EEFSEC: variants seen among roughly 807,000 people sequenced by gnomAD.
The protein encoded by EEFSEC is selenocysteine-specific elongation factor.
A neutral mutation model predicts 42.1 loss-of-function variants in EEFSEC; 43 were observed. That is an observed-to-expected ratio of 1.02 (90% CI 0.80 to 1.32). The LOEUF (loss-of-function observed/expected upper bound fraction) is 1.32, where lower values mean the gene tolerates loss of function less well. Ranked by LOEUF, EEFSEC falls within the 40% of genes most tolerant of loss-of-function variation. The probability of loss-of-function intolerance (pLI) is 0.00; values close to 1 mark genes in which losing one functional copy is unlikely to be tolerated. For missense variants in EEFSEC, 745 were observed against 803.6 expected (o/e 0.93, Z 0.88); for synonymous variants, 354 against 339.1 (o/e 1.04, Z -0.48).
At chr3:128,294,454 G>A (rs2066680668) in intron 4 of EEFSEC, among the ~76,000 whole-genome samples, 1 of 152,204 alleles carries the variant, frequency 6.6e-6, no homozygotes, top group Non-Finnish European at 1.5e-5. Context: ...CTCTAGAAAT[G>A]ACACATAAAT....
chr3:128,175,794 A>G (rs370761254), intron 1 of EEFSEC, among the ~76,000 whole-genome samples: 2 of 152,338 alleles, frequency 1.3e-5, no homozygotes, highest in East Asian at 3.9e-4. Flanking sequence ...TTAGGCCTGC[A>G]GGTAGGCCTC....
chr3:128,219,380 T>C (rs1336206522), intron 1 of EEFSEC, among the ~76,000 whole-genome samples: 3 of 152,178 alleles, frequency 2.0e-5, no homozygotes, highest in South Asian at 4.1e-4. Context: ...CCTGACTCCA[T>C]ACTGCAGCCT....
At chr3:128,382,053 G>T (rs530449067) in intron 6 of EEFSEC, among the ~76,000 whole-genome samples, 38 of 152,284 alleles carry the variant, frequency 2.5e-4, no homozygotes, top group Middle Eastern at 3.4e-3. Context: ...TTCCCAGGTG[G>T]CCCCAGGCAA....
At chr3:128,220,367 C>T (rs929641788) in intron 1 of EEFSEC, among the ~76,000 whole-genome samples, 1 of 152,194 alleles carries the variant, frequency 6.6e-6, no homozygotes, top group Non-Finnish European at 1.5e-5. Flanking sequence ...TGTGGCTGTT[C>T]ATTGTGGACA....
At chr3:128,277,574 G>C (rs1298602285) in intron 4 of EEFSEC, among the ~76,000 whole-genome samples, 1 of 152,246 alleles carries the variant, frequency 6.6e-6, no homozygotes, top group Non-Finnish European at 1.5e-5. Context: ...AGTGACAGCT[G>C]TGGCTCCCCT....
At chr3:128,387,482 G>A (rs1030361609) in intron 6 of EEFSEC, among the ~76,000 whole-genome samples, 2 of 152,160 alleles carry the variant, frequency 1.3e-5, no homozygotes, top group South Asian at 4.2e-4. Flanking sequence ...TCTGGGGGGC[G>A]TCGAAGAGTT....
chr3:128,403,035 G>T (rs1234463262), intron 6 of EEFSEC, among the ~76,000 whole-genome samples: 1 of 152,164 alleles, frequency 6.6e-6, no homozygotes, highest in African/African-American at 2.4e-5. Context: ...ATAGTGGGGT[G>T]AGAGGGGGTC....
chr3:128,258,552 C>T (rs936863450), intron 2 of EEFSEC, among the ~76,000 whole-genome samples: 1 of 152,136 alleles, frequency 6.6e-6, no homozygotes, highest in African/African-American at 2.4e-5. Flanking sequence ...GTGCTGTGTG[C>T]ATGGTGGGTG....
chr3:128,188,470 C>T (rs1369199923), intron 1 of EEFSEC, among the ~76,000 whole-genome samples: 1 of 152,138 alleles, frequency 6.6e-6, no homozygotes, highest in Non-Finnish European at 1.5e-5. Context: ...CTTTTGGATT[C>T]CTGGCTAGCT....
rs559001939 is a variant in EEFSEC at position 128,323,924 on chromosome 3, TC to T, written c.787-17302del. On this transcript the variant is annotated intron_variant, in intron 4 of 6. Transcript: ENST00000254730. ...AGGTGTATCTCTGAGTCTGAGCGCC[TC>T]CCCCCCTGTGGCAGGGGCTCCCTCA... Among the ~76,000 whole-genome samples, 761 of 151,944 alleles carry T rather than the reference TC, an allele frequency of 5.0e-3. 4 individuals are homozygous for T. Among genetic ancestry groups the T allele is most frequent in the Non-Finnish European group, 7.7e-3 (521 of 67,946 alleles).
chr3:128,195,057 A>T (rs1184681199), intron 1 of EEFSEC, among the ~76,000 whole-genome samples: 1 of 146,064 alleles, frequency 6.8e-6, no homozygotes, highest in Non-Finnish European at 1.5e-5. Flanking sequence ...CCCTTCTCCC[A>T]CCCGAGCACT....
intron 5 of EEFSEC, among the ~76,000 whole-genome samples, chr3:128,354,626 A>C (rs1458392378): frequency 1.3e-5 from 2 of 152,206 alleles, no homozygotes; most frequent in Admixed American, 6.5e-5. Context: ...TCTGTCTGGC[A>C]TGAAAGCCCT....
Position 128,192,294 on chromosome 3 carries a change from G to T in EEFSEC, c.316+38471G>T, listed in dbSNP as rs190568850. Among the ~76,000 whole-genome samples, 4 of 152,276 alleles carry T rather than the reference G, an allele frequency of 2.6e-5. No homozygotes were observed. The East Asian group carries it at 7.7e-4, about 29-fold the overall frequency. ...TGCCATGTGAACCTGACACGGTTGG[G>T]TGTGAGAAGCCTGCTGGTTCTCAGG... On this transcript the variant is annotated intron_variant, in intron 1 of 6. Coordinates refer to ENST00000254730, the MANE Select transcript of EEFSEC (RefSeq NM_021937.5).
chr3:128,362,241 T>C, intron 6 of EEFSEC: 1 of 523,116 alleles, frequency 1.9e-6, no homozygotes, highest in South Asian at 1.4e-5. Context: ...GCAGGCTGGA[T>C]GGCGGGTGGG....
intron 4 of EEFSEC, among the ~76,000 whole-genome samples, chr3:128,312,807 C>G (rs768791365): frequency 6.6e-6 from 1 of 152,198 alleles, no homozygotes; most frequent in African/African-American, 2.4e-5. Flanking sequence ...CTTTTCTTTT[C>G]CTTAACCATT....
At chr3:128,384,896 G>A (rs1301880711) in intron 6 of EEFSEC, among the ~76,000 whole-genome samples, 3 of 152,120 alleles carry the variant, frequency 2.0e-5, no homozygotes, top group South Asian at 2.1e-4. Context: ...CAGGTTGCCC[G>A]CACAAAAGCA....
At chr3:128,334,747 G>A (rs945778895) in intron 4 of EEFSEC, among the ~76,000 whole-genome samples, 11 of 152,218 alleles carry the variant, frequency 7.2e-5, no homozygotes, top group African/African-American at 2.4e-4. Context: ...TCCTTCCCCA[G>A]AAGTGCTTGG....
At chr3:128,178,987 T>G (rs1182426429) in intron 1 of EEFSEC, among the ~76,000 whole-genome samples, 2 of 152,208 alleles carry the variant, frequency 1.3e-5, no homozygotes, top group East Asian at 3.8e-4. Context: ...TTTATAAATA[T>G]TTTTAGGGCA....
At chr3:128,171,988 G>C (rs1048990734) in intron 1 of EEFSEC, among the ~76,000 whole-genome samples, 1 of 152,144 alleles carries the variant, frequency 6.6e-6, no homozygotes, top group Non-Finnish European at 1.5e-5. Flanking sequence ...GGGAGGATAT[G>C]CATAAGTTAT....
Sources: gnomAD v4.1 joint callset for allele counts (sites outside exome capture counted in the v4.1 genomes callset) on GRCh38, gnomAD v4.1.1 for gene constraint, MANE v1.5 for transcripts, NCBI Gene and HGNC (gene_info 2026-07-23, HGNC 2026-07-21) for gene names.